ARL13B: variants seen among roughly 807,000 people sequenced by gnomAD.
ARL13B encodes the protein ADP-ribosylation factor-like protein 13B.
A neutral mutation model predicts 56.1 loss-of-function variants in ARL13B; 36 were observed. That is an observed-to-expected ratio of 0.64 (90% CI 0.49 to 0.85). The LOEUF (loss-of-function observed/expected upper bound fraction) is 0.85. Ranked by LOEUF, ARL13B falls within the 40% of genes least tolerant of loss-of-function variation. ARL13B has a pLI of 0.00. For missense variants in ARL13B, 519 were observed against 507.1 expected (o/e 1.02, Z -0.23); for synonymous variants, 178 against 171.1 (o/e 1.04, Z -0.32).
rs1413467749 is a variant in ARL13B, at chr3:94,054,747, G to C, written c.*1484G>C. On this transcript the variant is annotated 3_prime_UTR_variant, in exon 10 of 10. Transcript: ENST00000394222. The stretch of plus-strand genomic sequence containing the variant: ...AGTCAGCACTGTATATATTCTTGGA[G>C]TTTGTACATGGGACTTAGCAACCAC... The C allele has an allele frequency of 2.4e-6, 1 of 420,878 alleles. No homozygotes were observed. Among genetic ancestry groups the C allele is most frequent in the East Asian group, 7.5e-5 (1 of 13,336 alleles). 26.1% of individuals were successfully genotyped at this position (420,878 alleles called of 1,614,324 possible). A position where few individuals can be genotyped will look rare whatever the true frequency, so the allele number is the denominator to read the frequency against.
intron 2 of ARL13B, 99 bp from the exon 3 acceptor site, chr3:94,003,560 T>C: frequency 7.6e-7 from 1 of 1,323,252 alleles, no homozygotes; most frequent in South Asian, 1.2e-5. Flanking sequence ...TGTCAGTGAA[T>C]GCTAAATATT....
At chr3:94,021,293 G>A (rs897389491) in intron 3 of ARL13B, among the ~76,000 whole-genome samples, 7 of 151,256 alleles carry the variant, frequency 4.6e-5, no homozygotes, top group African/African-American at 1.5e-4. Context: ...TCCTGGGTTC[G>A]AAGCGATTCT....
At chr3:94,045,717 C>T (rs889023716) in intron 7 of ARL13B, among the ~76,000 whole-genome samples, 25 of 151,804 alleles carry the variant, frequency 1.6e-4, no homozygotes, top group Non-Finnish European at 2.9e-4. Context: ...AATCCCGACA[C>T]TTTGGGAGGC....
intron 9 of ARL13B, 43 bp downstream of exon 9, chr3:94,050,935 C>A: frequency 6.4e-7 from 1 of 1,561,496 alleles, no homozygotes; most frequent in South Asian, 1.1e-5. Flanking sequence ...CTGTACATGT[C>A]ACATTCACTT....
chr3:93,996,685 G>T, intron 2 of ARL13B: 1 of 417,716 alleles, frequency 2.4e-6, no homozygotes, highest in South Asian at 1.7e-5. Flanking sequence ...GCCCGGCCAG[G>T]TAATCTTAAT....
At chr3:94,020,381 T>C (rs1421404796) in intron 3 of ARL13B, among the ~76,000 whole-genome samples, 1 of 152,218 alleles carries the variant, frequency 6.6e-6, no homozygotes, top group Non-Finnish European at 1.5e-5. Flanking sequence ...TGTTGTCAGC[T>C]AGTGGTAGAG....
chr3:94,018,927 A>C (rs968107195), intron 3 of ARL13B, among the ~76,000 whole-genome samples: 15 of 150,000 alleles, frequency 1.0e-4, no homozygotes, highest in Non-Finnish European at 1.5e-5. Flanking sequence ...CACCACGCCC[A>C]GCTAATTTTT....
intron 5 of ARL13B, among the ~76,000 whole-genome samples, chr3:94,038,580 A>G (rs1189725757): frequency 7.4e-6 from 1 of 134,516 alleles, no homozygotes; most frequent in Non-Finnish European, 1.5e-5. Flanking sequence ...CTGGAGTGCA[A>G]TGGCGCAGTC....
At chr3:94,003,416 C>A (rs1219325224) in intron 2 of ARL13B, among the ~76,000 whole-genome samples, 1 of 152,114 alleles carries the variant, frequency 6.6e-6, no homozygotes. Context: ...CAGATACTTA[C>A]TAAGTACCTA....
chr3:93,993,734 AAAT>A (rs2075917140), intron 1 of ARL13B, among the ~76,000 whole-genome samples: 2 of 152,262 alleles, frequency 1.3e-5, no homozygotes, highest in South Asian at 4.1e-4. Context: ...TCTTAAAACA[AAAT>A]AATAAAATTA....
intron 3 of ARL13B, chr3:94,014,835 C>T (rs2076294570): frequency 6.2e-7 from 1 of 1,614,086 alleles, no homozygotes; most frequent in African/African-American, 1.3e-5. Flanking sequence ...ACATGATTTG[C>T]TGAAAATGGC....
At chr3:93,987,124 A>G (rs1710509662) in intron 1 of ARL13B, among the ~76,000 whole-genome samples, 1 of 151,954 alleles carries the variant, frequency 6.6e-6, no homozygotes, top group African/African-American at 2.4e-5. Flanking sequence ...TCTAAGTTCA[A>G]TCCTCCCTAA....
intron 3 of ARL13B, among the ~76,000 whole-genome samples, chr3:94,032,721 C>A (rs1487964644): frequency 3.9e-5 from 6 of 152,146 alleles, no homozygotes; most frequent in Non-Finnish European, 8.8e-5. Context: ...TGGTCTCGAT[C>A]TCCTGACCTT....
At chr3:94,043,306 C>A in intron 7 of ARL13B, 66 bp downstream of exon 7, 1 of 1,363,862 alleles carries the variant, frequency 7.3e-7, no homozygotes, top group Non-Finnish European at 1.0e-6. Flanking sequence ...TACTTCATCT[C>A]ATTTTTTATG....
chr3:94,040,720 A>G (rs1459007351), intron 6 of ARL13B, among the ~76,000 whole-genome samples: 1 of 148,668 alleles, frequency 6.7e-6, no homozygotes, highest in South Asian at 2.1e-4. Context: ...TCTATCAGAT[A>G]TTATATTTGT....
intron 1 of ARL13B, among the ~76,000 whole-genome samples, chr3:93,983,515 A>G (rs1710311923): frequency 6.6e-6 from 1 of 152,176 alleles, no homozygotes; most frequent in African/African-American, 2.4e-5. Context: ...GAAAGGATTA[A>G]AAAAGAGAAA....
chr3:94,036,593 C>T lies in ARL13B; in HGVS notation c.528C>T (p.Asp176=), dbSNP rs762140041. 2 of 1,613,804 alleles carry T rather than the reference C, an allele frequency of 1.2e-6. No homozygotes were observed. The highest frequency in any genetic ancestry group is 2.7e-5 in the African/African-American group (2 of 74,860). The change falls in exon 5 of 10, where the codon GAC becomes GAT. Residue 176 remains aspartate (D), a synonymous_variant. Transcript: ENST00000394222. The part of the protein sequence containing the change: ...SAISGYGKKI[D]KSIKKGLYWL... ...TCTCGGGGTATGGAAAGAAAATTGA[C>T]AAGTCCATTAAAAAAGGCCTTTATT...
chr3:93,988,908 C>T (rs1424856253), intron 1 of ARL13B: 8 of 310,062 alleles, frequency 2.6e-5, no homozygotes, highest in African/African-American at 4.6e-5. Context: ...GCTCTTGCTT[C>T]GCCACCCCTT....
intron 3 of ARL13B, among the ~76,000 whole-genome samples, chr3:94,009,624 T>G (rs2076190652): frequency 6.6e-6 from 1 of 152,070 alleles, no homozygotes; most frequent in Admixed American, 6.6e-5. Context: ...GATCCTTAGA[T>G]AGAGTGGTGA....
Sources: gnomAD v4.1 joint callset for allele counts (sites outside exome capture counted in the v4.1 genomes callset) on GRCh38, gnomAD v4.1.1 for gene constraint, MANE v1.5 for transcripts, NCBI Gene and HGNC (gene_info 2026-07-23, HGNC 2026-07-21) for gene names.